Variants in ZNF761 observed in about 807,000 individuals in gnomAD.
The protein encoded by ZNF761 is zinc finger protein 761.
Under a neutral mutation model 59.9 loss-of-function variants are expected in ZNF761, and 43 were observed. That is an observed-to-expected ratio of 0.72 (90% CI 0.56 to 0.92). ZNF761 has a LOEUF of 0.92. ZNF761 is among the 40% of genes least tolerant of loss of function. The pLI is 0.00. For missense variants in ZNF761, 850 were observed against 906.1 expected (o/e 0.94, Z 0.79); for synonymous variants, 294 against 304.8 (o/e 0.96, Z 0.37).
At chr19:53,440,345 TG>T (rs959106826) in intron 1 of ZNF761, among the ~76,000 whole-genome samples, 3 of 151,862 alleles carry the variant, frequency 2.0e-5, no homozygotes, top group Non-Finnish European at 4.4e-5. Context: ...ATAAAAGGGG[TG>T]GGGGACTTTG....
intron 1 of ZNF761, among the ~76,000 whole-genome samples, chr19:53,432,268 G>A (rs1164276252): frequency 6.6e-6 from 1 of 152,144 alleles, no homozygotes; most frequent in Non-Finnish European, 1.5e-5. Context: ...CTAACCTGTA[G>A]TTTTCCTGCT....
At chr19:53,434,548 TCATCTTTGCCTTG>T (rs1231880600) in intron 1 of ZNF761, among the ~76,000 whole-genome samples, 3 of 152,030 alleles carry the variant, frequency 2.0e-5, no homozygotes, top group African/African-American at 7.2e-5. Flanking sequence ...TGATCTGGAG[TCATCTTTGCCTTG>T]CCACAAAGTT....
At chr19:53,444,917 C>A (rs1312738350) in intron 1 of ZNF761, 1 of 152,164 alleles carries the variant, frequency 6.6e-6, no homozygotes, top group Non-Finnish European at 1.5e-5. Context: ...CAAGCCCTGC[C>A]TCAGCTTTTC....
chr19:53,440,877 C>T (rs1449232427), intron 1 of ZNF761, among the ~76,000 whole-genome samples: 3 of 152,182 alleles, frequency 2.0e-5, no homozygotes, highest in African/African-American at 4.8e-5. Flanking sequence ...CGTTTCACTA[C>T]GTTTCCCAGG....
rs147305531 is a variant in ZNF761 at position 53,447,892 on chromosome 19, A to C, written c.15+609A>C. Among the ~76,000 whole-genome samples, 85 of 152,354 alleles carry C rather than the reference A, an allele frequency of 5.6e-4. No homozygotes were observed. In the East Asian group the frequency reaches 0.014, roughly 26 times the overall value. ...CCTGAACAATAGCAGGAGATTCATT[A>C]AACCATTCTTAGCACATTACGCTCA... On this transcript the variant is annotated intron_variant, in intron 3 of 4. Coordinates refer to ENST00000684525, the MANE Select transcript of ZNF761 (RefSeq NM_001289951.2).
intron 3 of ZNF761, 119 bp from the exon 4 acceptor site, chr19:53,449,393 C>T: frequency 6.2e-7 from 1 of 1,607,554 alleles, no homozygotes; most frequent in Non-Finnish European, 8.5e-7. Context: ...ATCCCTTACT[C>T]AGATTTGTTA....
At chr19:53,451,998 G>A (rs1165131118) in intron 4 of ZNF761, among the ~76,000 whole-genome samples, 2 of 152,124 alleles carry the variant, frequency 1.3e-5, no homozygotes, top group African/African-American at 2.4e-5. Context: ...TCAGCCCTCG[G>A]TGATGTTGAT....
chr19:53,455,608 A>T lies in ZNF761; in HGVS notation c.1101A>T (p.Ser367=). 1 of 1,614,058 alleles carries T rather than the reference A, an allele frequency of 6.2e-7. No individual in the cohort carries two copies. Among genetic ancestry groups the T allele is most frequent in the Non-Finnish European group, 8.5e-7 (1 of 1,179,986 alleles). ...NECGKTFSHK[S]SLTCHHRLHT... ...GTGGCAAGACCTTTAGTCACAAGTC[A>T]TCCCTTACATGCCATCATAGACTTC... Residue 367 remains serine (S), a synonymous_variant, in exon 5 of 5, where the codon TCA becomes TCT. Coordinates refer to ENST00000684525, the MANE Select transcript of ZNF761 (RefSeq NM_001289951.2).
In ZNF761 at chr19:53,455,155, A is replaced by G. The variant is rs2086254858; in HGVS notation, c.648A>G (p.Gln216=). ...QEVHMREKSF[Q]CNESGKAFNY... is the part of the protein sequence containing the mutation. Reference sequence around the variant, plus strand: ...TACACATGAGAGAAAAATCTTTCCAATGTAATGAGAGTGGCAAAGCCTTTA... The same window carrying G: ...TACACATGAGAGAAAAATCTTTCCAGTGTAATGAGAGTGGCAAAGCCTTTA... The change falls in exon 5 of 5, where the codon CAA becomes CAG. Residue 216 remains glutamine, a synonymous_variant. Coordinates refer to ENST00000684525, the MANE Select transcript of ZNF761 (RefSeq NM_001289951.2). 1.2e-6 allele frequency: 2 copies of G among 1,614,228 alleles called. No individual in the cohort carries two copies. The highest frequency in any genetic ancestry group is 2.2e-5 in the East Asian group (1 of 44,876).
intron 3 of ZNF761, among the ~76,000 whole-genome samples, chr19:53,449,155 C>T (rs2086192024): frequency 6.6e-6 from 1 of 152,062 alleles, no homozygotes. Context: ...TACGGTGAAA[C>T]CCCGTTTCTG....
chr19:53,443,052 G>A (rs191902501), intron 1 of ZNF761: 16 of 261,494 alleles, frequency 6.1e-5, no homozygotes, highest in East Asian at 1.3e-4. Flanking sequence ...AACTAGTTGC[G>A]TCCAGTTCAG....
intron 1 of ZNF761, among the ~76,000 whole-genome samples, chr19:53,436,962 C>G (rs780997445): frequency 6.6e-6 from 1 of 152,160 alleles, no homozygotes; most frequent in Non-Finnish European, 1.5e-5. Flanking sequence ...TTATTCTCAG[C>G]ACAGGTTAAT....
In ZNF761 at chr19:53,456,241, C is replaced by G. The variant is rs1415641003; in HGVS notation, c.1734C>G (p.Tyr578Ter). Residue 578 changes from tyrosine to a stop codon, truncating the protein, a stop_gained, in exon 5 of 5, where the codon TAC (tyrosine) becomes TAG (stop). Transcript: ENST00000684525. LOFTEE classifies it high-confidence loss of function. ...HRRLHSGENP[Y>*]KCEDSDKAYS... ...GACTTCATAGTGGAGAGAACCCTTACAAATGTGAAGATAGTGACAAAGCTT... is the reference window on the plus strand; with the variant it reads ...GACTTCATAGTGGAGAGAACCCTTAGAAATGTGAAGATAGTGACAAAGCTT... 2.5e-6 allele frequency: 4 copies of G among 1,613,728 alleles called. No homozygotes were observed. The South Asian group carries it at 3.3e-5, about 13-fold the overall frequency.
In ZNF761 at chr19:53,456,294, A is replaced by G. The variant is rs773480987; in HGVS notation, c.1787A>G (p.His596Arg). The G allele has an allele frequency of 2.5e-6, 4 of 1,610,940 alleles. No homozygotes were observed. The East Asian group carries it at 8.9e-5, about 36-fold the overall frequency. The change falls in exon 5 of 5, where the codon CAT (histidine) becomes CGT (arginine). Residue 596 changes from histidine to arginine, a missense_variant. Physicochemically the swap from His to Arg is conservative, Grantham distance 29. Transcript: ENST00000684525. ...AGTTTCAAATCAAACCTTGAAATAC[A>G]TCAGAAAATTCATACTGAAGAGAAT... Reference protein sequence around the residue: ...AYSFKSNLEIHQKIHTEENPY... With the variant: ...AYSFKSNLEIRQKIHTEENPY...
chr19:53,442,307 G>T (rs996141303), intron 1 of ZNF761: 6 of 1,267,522 alleles, frequency 4.7e-6, no homozygotes, highest in South Asian at 3.6e-5. Context: ...GAGCTGAGCT[G>T]GCAGAGTCCC....
At chr19:53,441,760 A>T in intron 1 of ZNF761, 1 of 822,920 alleles carries the variant, frequency 1.2e-6, no homozygotes, top group Non-Finnish European at 2.0e-6. Context: ...GATAAATCTT[A>T]GTTTTCAAAA....
intron 1 of ZNF761, chr19:53,441,972 G>A (rs1409947696): frequency 2.2e-6 from 3 of 1,390,950 alleles, no homozygotes; most frequent in South Asian, 1.2e-5. Flanking sequence ...GAAGCTGAGG[G>A]AAAAAGGTGG....
intron 2 of ZNF761, among the ~76,000 whole-genome samples, 172 bp downstream of exon 2, chr19:53,446,509 G>A (rs1197170482): frequency 6.6e-6 from 1 of 152,052 alleles, no homozygotes; most frequent in Non-Finnish European, 1.5e-5. Context: ...CTGAGTAGCT[G>A]GGATTACAAA....
chr19:53,454,790 C>T lies in ZNF761; in HGVS notation c.283C>T (p.His95Tyr). ...CTACCAGGATGTTGATAAAGATATT[C>T]ATGACTATGAATTTCAATGGCAAGA... is the stretch of plus-strand genomic sequence containing the variant. ...FCYQDVDKDI[H>Y]DYEFQWQEDE... Residue 95 changes from histidine (H) to tyrosine (Y), a missense_variant, in exon 5 of 5, where the codon CAT becomes TAT. His to Tyr is a moderately conservative substitution (Grantham distance 83). Transcript: ENST00000684525. 6.2e-7 allele frequency: 1 copy of T among 1,614,038 alleles called. No individual in the cohort carries two copies. Among genetic ancestry groups the T allele is most frequent in the Non-Finnish European group, 8.5e-7 (1 of 1,180,028 alleles).
Sources: allele counts gnomAD v4.1 joint callset (sites outside exome capture counted in the v4.1 genomes callset), GRCh38; gene constraint gnomAD v4.1.1; transcripts MANE v1.5; gene names NCBI Gene and HGNC (gene_info 2026-07-23, HGNC 2026-07-21).